The following SLC12A8 variants were observed in gnomAD, a reference collection of about 807,000 sequenced individuals.
SLC12A8 encodes the protein cation-chloride cotransporter 9.
SLC12A8 carries 69 observed loss-of-function variants against 75.6 expected under a neutral mutation model. The ratio of observed to expected loss-of-function variants is 0.91; its 90% CI spans 0.75 to 1.11. The LOEUF (loss-of-function observed/expected upper bound fraction) is 1.11. Ranked by LOEUF, SLC12A8 falls within the 50% of genes most tolerant of loss-of-function variation. The pLI is 0.00. For missense variants in SLC12A8, 877 were observed against 896.7 expected (o/e 0.98, Z 0.28); for synonymous variants, 365 against 372.8 (o/e 0.98, Z 0.24).
chr3:125,086,409 G>A (rs1938462276), intron 13 of SLC12A8, among the ~76,000 whole-genome samples: 1 of 152,116 alleles, frequency 6.6e-6, no homozygotes, highest in African/African-American at 2.4e-5. Flanking sequence ...TTTCTACATA[G>A]CACTGCTGTG....
intron 2 of SLC12A8, among the ~76,000 whole-genome samples, chr3:125,198,932 C>A (rs1280874850): frequency 6.6e-6 from 1 of 151,830 alleles, no homozygotes; most frequent in East Asian, 2.0e-4. Context: ...CACCCGCCAC[C>A]ACGCCCGGCT....
intron 10 of SLC12A8, among the ~76,000 whole-genome samples, chr3:125,097,334 A>T (rs1327169310): frequency 6.6e-6 from 1 of 152,102 alleles, no homozygotes; most frequent in East Asian, 1.9e-4. Context: ...GGTTGCAGTG[A>T]GCCAAGATCA....
rs75007358 is a variant in SLC12A8 at position 125,125,095 on chromosome 3, C to T, written c.737-4409G>A. Among the ~76,000 whole-genome samples the T allele has an allele frequency of 8.0e-4, 119 of 148,242 alleles. No homozygotes were observed. In the East Asian group the frequency reaches 0.018, roughly 22 times the overall value. On this transcript the variant is annotated intron_variant, in intron 6 of 13. Transcript: ENST00000469902. ...AGAAGAGAAATACAGCACACAGTTT[C>T]GCAAAACTTATTTGGCATTGAACCC...
At chr3:125,199,002 T>C (rs577688565) in intron 2 of SLC12A8, among the ~76,000 whole-genome samples, 1 of 151,960 alleles carries the variant, frequency 6.6e-6, no homozygotes, top group African/African-American at 2.4e-5. Context: ...ATGGTCTCGA[T>C]CTCCTGACCT....
intron 5 of SLC12A8, among the ~76,000 whole-genome samples, chr3:125,157,171 A>G (rs1320743933): frequency 6.6e-6 from 1 of 152,194 alleles, no homozygotes; most frequent in Non-Finnish European, 1.5e-5. Context: ...TAGCTTTTAG[A>G]TATATTTTTA....
chr3:125,122,378 G>T (rs1404072795), intron 6 of SLC12A8, among the ~76,000 whole-genome samples: 1 of 152,090 alleles, frequency 6.6e-6, no homozygotes, highest in Non-Finnish European at 1.5e-5. Context: ...TTAACGGCCT[G>T]TTAGGCACAT....
chr3:125,137,605 G>T (rs545796902), intron 5 of SLC12A8, among the ~76,000 whole-genome samples: 1 of 152,284 alleles, frequency 6.6e-6, no homozygotes, highest in African/African-American at 2.4e-5. Flanking sequence ...GGCCCGCCTC[G>T]CAGGACAGAA....
intron 5 of SLC12A8, among the ~76,000 whole-genome samples, chr3:125,141,279 C>G (rs1454921046): frequency 6.6e-6 from 1 of 152,216 alleles, no homozygotes; most frequent in Non-Finnish European, 1.5e-5. Context: ...ATCTTTCCAC[C>G]CGGAATTCGG....
chr3:125,189,254 C>T (rs564691058), intron 3 of SLC12A8, among the ~76,000 whole-genome samples: 1 of 152,228 alleles, frequency 6.6e-6, no homozygotes, highest in Admixed American at 6.5e-5. Flanking sequence ...GCATTTCCAG[C>T]CTTCAGACTC....
intron 4 of SLC12A8, among the ~76,000 whole-genome samples, chr3:125,180,028 T>TG (rs1268612345): frequency 6.9e-6 from 1 of 145,794 alleles, no homozygotes; most frequent in Admixed American, 6.9e-5. Flanking sequence ...GCTTCCAAAC[T>TG]GTTTTTTTTT....
In SLC12A8 at chr3:125,113,698, T is replaced by C. The variant is rs143370402; in HGVS notation, c.913-3363A>G. 3.3e-5 allele frequency among the ~76,000 whole-genome samples: 5 copies of C among 152,318 alleles called. No homozygotes were observed. In the East Asian group the frequency reaches 9.6e-4, roughly 29 times the overall value. ...CTCTTTTTAAATAAACAGTGATTCTTTTCTGGCATACACCTGTTTGAGCCA... is the reference window on the plus strand; with the variant it reads ...CTCTTTTTAAATAAACAGTGATTCTCTTCTGGCATACACCTGTTTGAGCCA... On this transcript the variant is annotated intron_variant, in intron 8 of 13. Transcript: ENST00000469902.
intron 5 of SLC12A8, among the ~76,000 whole-genome samples, chr3:125,162,641 G>A (rs912407993): frequency 2.0e-5 from 3 of 152,314 alleles, no homozygotes; most frequent in South Asian, 2.1e-4. Context: ...CATGGTAATT[G>A]GCCTATGTTG....
chr3:125,212,588 G>A (rs1360808393), intron 1 of SLC12A8, 112 bp downstream of exon 1: 1 of 152,608 alleles, frequency 6.6e-6, no homozygotes, highest in Non-Finnish European at 1.5e-5. Context: ...GATCCACCTG[G>A]GCGGGGAGGT....
chr3:125,146,078 C>G (rs904848073), intron 5 of SLC12A8, among the ~76,000 whole-genome samples: 2 of 152,258 alleles, frequency 1.3e-5, no homozygotes, highest in African/African-American at 2.4e-5. Context: ...AATTCTCCCA[C>G]CTCAGCCTCC....
At chr3:125,119,561 C>T (rs1932995345) in intron 7 of SLC12A8, among the ~76,000 whole-genome samples, 1 of 152,340 alleles carries the variant, frequency 6.6e-6, no homozygotes, top group East Asian at 1.9e-4. Context: ...CCTGGAACCT[C>T]CCAGCTGGGG....
intron 2 of SLC12A8, among the ~76,000 whole-genome samples, chr3:125,201,744 G>T (rs919723375): frequency 6.7e-6 from 1 of 148,362 alleles, no homozygotes; most frequent in African/African-American, 2.5e-5. Flanking sequence ...GCTTAAATAG[G>T]TACTACCTCT....
chr3:125,097,675 A>T (rs769989549), intron 10 of SLC12A8, among the ~76,000 whole-genome samples: 2 of 152,168 alleles, frequency 1.3e-5, no homozygotes, highest in Non-Finnish European at 2.9e-5. Context: ...AAATTTATGC[A>T]AAGATGCTCA....
In SLC12A8 at chr3:125,177,723, C is replaced by T; in HGVS notation, c.622+20G>A. 6.3e-7 allele frequency: 1 copy of T among 1,597,732 alleles called. No homozygotes were observed. The highest frequency in any genetic ancestry group is 8.6e-7 in the Non-Finnish European group (1 of 1,165,386). On this transcript the variant is annotated intron_variant, in intron 5 of 13. Transcript: ENST00000469902. ...CAGTGAAGATCCATAAGGCCACATA[C>T]TGGACTCTGAAAGGCTTACCTGGGT... is the stretch of plus-strand genomic sequence containing the variant.
chr3:125,138,985 T>C (rs1407871060), intron 5 of SLC12A8, among the ~76,000 whole-genome samples: 1 of 152,168 alleles, frequency 6.6e-6, no homozygotes, highest in African/African-American at 2.4e-5. Context: ...ACTATGCTAC[T>C]GCACTCCAGT....
Sources: gnomAD v4.1 joint callset for allele counts (sites outside exome capture counted in the v4.1 genomes callset) on GRCh38, gnomAD v4.1.1 for gene constraint, MANE v1.5 for transcripts, NCBI Gene and HGNC (gene_info 2026-07-23, HGNC 2026-07-21) for gene names.